RPS6KA2: variants seen among roughly 807,000 people sequenced by gnomAD.
RPS6KA2 encodes the protein ribosomal protein S6 kinase A2, also known as ribosomal protein S6 kinase alpha-2.
In RPS6KA2, 42 loss-of-function variants were observed where a neutral mutation model predicts 91.8. The observed-to-expected ratio is 0.46, with a 90% CI of 0.36 to 0.59. RPS6KA2 has a LOEUF of 0.59. Among genes scored for constraint, RPS6KA2 ranks in the 20% least tolerant of loss-of-function variants. The probability of loss-of-function intolerance (pLI) is 0.00; values close to 1 mark genes in which losing one functional copy is unlikely to be tolerated. For missense variants in RPS6KA2, 798 were observed against 978.5 expected (o/e 0.82, Z 2.46); for synonymous variants, 414 against 393.6 (o/e 1.05, Z -0.61).
intron 16 of RPS6KA2, among the ~76,000 whole-genome samples, chr6:166,427,434 G>A (rs1156327252): frequency 2.0e-5 from 3 of 152,062 alleles, no homozygotes; most frequent in Admixed American, 6.5e-5. Flanking sequence ...TCAACATAGT[G>A]TTGGAAGTTC....
rs143398688 is a variant in RPS6KA2, at chr6:166,565,424, G to A, written c.100-26640C>T. On this transcript the variant is annotated intron_variant, in intron 1 of 20. Coordinates refer to ENST00000265678, the MANE Select transcript of RPS6KA2 (RefSeq NM_021135.6). ...CGGGATCCAAAGCCTGTGCTGGGATGCAGGGGTCCGCCCTCCCTGGCACCT... is the reference window on the plus strand; with the variant it reads ...CGGGATCCAAAGCCTGTGCTGGGATACAGGGGTCCGCCCTCCCTGGCACCT... 2.5e-3 allele frequency among the ~76,000 whole-genome samples: 384 copies of A among 152,388 alleles called. 2 individuals are homozygous for A. The highest frequency in any genetic ancestry group is 8.9e-3 in the African/African-American group (371 of 41,596).
At chr6:166,518,586 A>C (rs1384550377) in intron 3 of RPS6KA2, among the ~76,000 whole-genome samples, 2 of 152,194 alleles carry the variant, frequency 1.3e-5, no homozygotes, top group Non-Finnish European at 2.9e-5. Flanking sequence ...CCATCAGTGC[A>C]GGGAAGACGT....
intron 12 of RPS6KA2, among the ~76,000 whole-genome samples, chr6:166,454,237 C>T (rs188154321): frequency 6.6e-6 from 1 of 152,234 alleles, no homozygotes; most frequent in African/African-American, 2.4e-5. Context: ...CGGTGGATCA[C>T]ACCTGTAATC....
chr6:166,481,777 T>C (rs533730182), intron 10 of RPS6KA2, among the ~76,000 whole-genome samples: 2 of 150,780 alleles, frequency 1.3e-5, no homozygotes, highest in Non-Finnish European at 2.9e-5. Context: ...TGCTACAGAG[T>C]GGAGGCCTCT....
At chr6:166,504,068 T>C (rs1246074502) in intron 6 of RPS6KA2, among the ~76,000 whole-genome samples, 2 of 152,192 alleles carry the variant, frequency 1.3e-5, no homozygotes, top group Admixed American at 6.5e-5. Context: ...TTCCTGAATC[T>C]GGAGGACAGT....
At chr6:166,822,416 G>T (rs768516665) in intron 2 of RPS6KA2, among the ~76,000 whole-genome samples, 8 of 152,220 alleles carry the variant, frequency 5.3e-5, no homozygotes, top group Non-Finnish European at 1.0e-4. Flanking sequence ...AGGTGAGGAC[G>T]CAGCAAGAGG....
At chr6:166,594,809 A>C (rs1425349184) in intron 1 of RPS6KA2, among the ~76,000 whole-genome samples, 1 of 152,218 alleles carries the variant, frequency 6.6e-6, no homozygotes, top group Non-Finnish European at 1.5e-5. Flanking sequence ...TCACTTTCAT[A>C]GTGCTTTTCT....
At chr6:166,460,056 G>C (rs1204045975) in intron 11 of RPS6KA2, among the ~76,000 whole-genome samples, 1 of 152,224 alleles carries the variant, frequency 6.6e-6, no homozygotes, top group Admixed American at 6.5e-5. Context: ...CCACCCCAGG[G>C]TGCTCTCTTG....
intron 2 of RPS6KA2, among the ~76,000 whole-genome samples, chr6:166,799,554 C>CA (rs1309593362): frequency 6.8e-6 from 1 of 146,180 alleles, no homozygotes; most frequent in Non-Finnish European, 1.5e-5. Context: ...AAAGGAGTCA[C>CA]AAAAAAAATT....
rs1414977760 is a variant in RPS6KA2, at chr6:166,423,395, G to A, written c.1604C>T (p.Pro535Leu). 4 of 1,611,324 alleles carry A rather than the reference G, an allele frequency of 2.5e-6. No individual in the cohort carries two copies. The highest frequency in any genetic ancestry group is 3.4e-6 in the Non-Finnish European group (4 of 1,177,732). ...CTCATCCCTGTACAGGATGTTACTC[G>A]GCTTCAGGTCTCGATGAACAACCTG... ...SQGVVHRDLK[P>L]SNILYRDESG... The change falls in exon 17 of 21, where the codon CCG becomes CTG. Residue 535 changes from proline to leucine, a missense_variant. Coordinates refer to ENST00000265678, the MANE Select transcript of RPS6KA2 (RefSeq NM_021135.6). This position sits in a 1 kb window ranked among gnomAD's most constrained non-coding sequence, Gnocchi z 4.8.
chr6:166,602,318 C>A (rs994041175), intron 1 of RPS6KA2, among the ~76,000 whole-genome samples: 1 of 152,224 alleles, frequency 6.6e-6, no homozygotes. Context: ...AGTTGAAGAT[C>A]GTGTGCTCCA....
intron 1 of RPS6KA2, among the ~76,000 whole-genome samples, chr6:166,565,275 C>A (rs577967196): frequency 8.5e-5 from 13 of 152,364 alleles, no homozygotes; most frequent in South Asian, 6.2e-4. Flanking sequence ...GTTGTTTAAG[C>A]TGAGATGGTG....
intron 8 of RPS6KA2, among the ~76,000 whole-genome samples, chr6:166,492,049 A>G (rs6904384): frequency 0.01 from 1,574 of 152,294 alleles, 21 homozygotes; most frequent in African/African-American, 0.036. Context: ...ATGATTTCCT[A>G]AGATTTATTC....
chr6:166,731,886 C>T lies in RPS6KA2; in HGVS notation c.123+126314G>A, dbSNP rs562402257. On this transcript the variant is annotated intron_variant, in intron 2 of 21. Coordinates refer to the RPS6KA2 transcript ENST00000503859. ...CCCCCGGGGCCATCACCTCAGTCTACAGTCCTCAGCAAAGCTCCTGAATAA... is the reference window on the plus strand; with the variant it reads ...CCCCCGGGGCCATCACCTCAGTCTATAGTCCTCAGCAAAGCTCCTGAATAA... Among the ~76,000 whole-genome samples the T allele has an allele frequency of 1.2e-4, 19 of 152,212 alleles. No homozygotes were observed. The East Asian group carries it at 3.1e-3, about 25-fold the overall frequency.
chr6:166,467,210 A>C (rs1206706637), intron 11 of RPS6KA2, among the ~76,000 whole-genome samples: 1 of 119,562 alleles, frequency 8.4e-6, no homozygotes, highest in East Asian at 2.5e-4. Context: ...TCATTCATTC[A>C]CTCCCTCACT....
intron 2 of RPS6KA2, among the ~76,000 whole-genome samples, chr6:166,838,416 A>T (rs1780375389): frequency 6.6e-6 from 1 of 152,210 alleles, no homozygotes; most frequent in African/African-American, 2.4e-5. Context: ...CATACTGAAA[A>T]ATTTAGGAAT....
At chr6:166,840,683 G>C (rs1297574755) in intron 2 of RPS6KA2, among the ~76,000 whole-genome samples, 1 of 152,182 alleles carries the variant, frequency 6.6e-6, no homozygotes, top group Non-Finnish European at 1.5e-5. Flanking sequence ...TGTTTAAAAA[G>C]AAAGCTGGGC....
At position 166,449,837 on chromosome 6, in the gene RPS6KA2, C is replaced by CGGGACAACCACGAGGACCACCAT. The variant is rs1289101253; in HGVS notation, c.1207-1011_1207-989dup. The stretch of plus-strand genomic sequence containing the variant: ...ATGGGAACCACCACAGGGACCACCA[C>CGGGACAACCACGAGGACCACCAT]GGGACAACCACGAGGACCACCATGG... On this transcript the variant is annotated intron_variant, in intron 13 of 20. Coordinates refer to ENST00000265678, the MANE Select transcript of RPS6KA2 (RefSeq NM_021135.6). Among the ~76,000 whole-genome samples the CGGGACAACCACGAGGACCACCAT allele has an allele frequency of 4.5e-5, 4 of 89,144 alleles. No homozygotes were observed. In the East Asian group the frequency reaches 8.6e-4, roughly 19 times the overall value. 58.5% of individuals were successfully genotyped at this position (89,144 alleles called of 152,430 possible).
At chr6:166,621,015 C>A (rs1357010624) in intron 1 of RPS6KA2, among the ~76,000 whole-genome samples, 1 of 152,178 alleles carries the variant, frequency 6.6e-6, no homozygotes, top group Non-Finnish European at 1.5e-5. Context: ...CTCCACGGGG[C>A]AAGGCAAGGG....
Sources: allele counts gnomAD v4.1 joint callset (sites outside exome capture counted in the v4.1 genomes callset), GRCh38; gene constraint gnomAD v4.1.1; non-coding constraint Gnocchi (gnomAD v3.1); transcripts MANE v1.5; gene names NCBI Gene and HGNC (gene_info 2026-07-23, HGNC 2026-07-21).